The following TTC28 variants were observed in gnomAD, a reference collection of about 807,000 sequenced individuals.
TTC28 encodes tetratricopeptide repeat protein 28.
TTC28 carries 61 observed loss-of-function variants against 198.0 expected under a neutral mutation model. The observed-to-expected ratio is 0.31, with a 90% CI of 0.25 to 0.38. The LOEUF is 0.38. Among genes scored for constraint, TTC28 ranks in the 10% least tolerant of loss-of-function variants. The pLI, the probability that TTC28 is intolerant of heterozygous loss-of-function variation, is 1.00. For missense variants in TTC28, 2,678 were observed against 3,164.0 expected (o/e 0.85, Z 3.69); for synonymous variants, 1,171 against 1,297.8 (o/e 0.90, Z 2.10).
At chr22:28,020,548 C>G (rs1938549990) in intron 13 of TTC28, among the ~76,000 whole-genome samples, 2 of 152,114 alleles carry the variant, frequency 1.3e-5, no homozygotes, top group Admixed American at 6.5e-5. Flanking sequence ...CGTGAATCTT[C>G]CCTCGCTGCT....
rs71316854 is a variant in TTC28 at position 28,675,735 on chromosome 22, TCACA to T, written c.102+3883_102+3886del. Among the ~76,000 whole-genome samples the T allele has an allele frequency of 2.7e-3, 359 of 135,174 alleles. 2 individuals carry two copies. The highest frequency in any genetic ancestry group is 0.013 in the East Asian group (59 of 4,454). 88.7% of individuals were successfully genotyped at this position (135,174 alleles called of 152,430 possible). ...GCCTGGGCGACAGAGTGAAACCCTG[TCACA>T]CACACACACACACACACACACACAC... On this transcript the variant is annotated intron_variant, in intron 1 of 22. Coordinates refer to ENST00000397906, the MANE Select transcript of TTC28 (RefSeq NM_001145418.2).
intron 2 of TTC28, among the ~76,000 whole-genome samples, chr22:28,324,664 GA>G (rs369527281): frequency 0.049 from 7,413 of 152,206 alleles, 253 homozygotes; most frequent in African/African-American, 0.09. Flanking sequence ...AGTAGATGCA[GA>G]AAAGGCCTTC....
intron 11 of TTC28, 72 bp downstream of exon 11, chr22:28,096,118 T>C (rs541906095): frequency 2.1e-4 from 298 of 1,451,974 alleles, no homozygotes; most frequent in Non-Finnish European, 2.7e-4. Context: ...ATGCACCTAT[T>C]CCACCTCTAT....
intron 5 of TTC28, among the ~76,000 whole-genome samples, chr22:28,198,967 G>C (rs1204840397): frequency 1.3e-5 from 2 of 152,074 alleles, no homozygotes; most frequent in Non-Finnish European, 2.9e-5. Flanking sequence ...CAGAAAAAAA[G>C]AGAAAACAGG....
At chr22:28,138,556 T>C (rs1943254543) in intron 6 of TTC28, among the ~76,000 whole-genome samples, 1 of 152,206 alleles carries the variant, frequency 6.6e-6, no homozygotes, top group South Asian at 2.1e-4. Context: ...TCTGCATGGA[T>C]GATCAGAACA....
chr22:28,445,567 C>G (rs1186553994), intron 2 of TTC28, among the ~76,000 whole-genome samples: 1 of 152,152 alleles, frequency 6.6e-6, no homozygotes, highest in African/African-American at 2.4e-5. Flanking sequence ...CCTTTCTGAG[C>G]TCACCTTTTA....
At chr22:28,604,560 A>G (rs954453689) in intron 2 of TTC28, among the ~76,000 whole-genome samples, 11 of 151,728 alleles carry the variant, frequency 7.2e-5, no homozygotes, top group African/African-American at 2.4e-4. Flanking sequence ...CCTGGCCAAC[A>G]TTCTGAAACC....
chr22:28,172,364 A>G (rs1254185776), intron 5 of TTC28, among the ~76,000 whole-genome samples: 1 of 152,220 alleles, frequency 6.6e-6, no homozygotes, highest in Non-Finnish European at 1.5e-5. Context: ...AATTCACTAG[A>G]TAATTCCAAA....
intron 2 of TTC28, among the ~76,000 whole-genome samples, chr22:28,575,100 C>T (rs1167084612): frequency 2.0e-5 from 3 of 152,002 alleles, no homozygotes; most frequent in Non-Finnish European, 2.9e-5. Context: ...AAATATTTGC[C>T]CACTCCAATG....
chr22:28,032,188 AAAATATATATATAT>A (rs1181760660), intron 12 of TTC28, among the ~76,000 whole-genome samples: 30 of 71,062 alleles, frequency 4.2e-4, no homozygotes, highest in Admixed American at 3.2e-3. Context: ...ATATATATAT[AAAATATATATATAT>A]AAAATATATA....
chr22:27,993,450 C>T lies in TTC28; in HGVS notation c.5313G>A (p.Val1771=). 1 of 1,551,680 alleles carries T rather than the reference C, an allele frequency of 6.4e-7. No homozygotes were observed. Among genetic ancestry groups the T allele is most frequent in the Middle Eastern group, 1.7e-4 (1 of 5,992 alleles). The part of the protein sequence containing the change: ...RNAMYTSQQS[V]ENKVGGIPGW... ...CAGGGATGCCGCCCACTTTGTTCTC[C>T]ACACTCTGCTGGGATGTGTACATGG... The change falls in exon 18 of 23, where the codon GTG becomes GTA. Residue 1771 remains valine (V), a synonymous_variant. Coordinates refer to ENST00000397906, the MANE Select transcript of TTC28 (RefSeq NM_001145418.2).
At chr22:28,185,727 T>G (rs114727865) in intron 5 of TTC28, among the ~76,000 whole-genome samples, 2,369 of 152,200 alleles carry the variant, frequency 0.016, 82 homozygotes, top group African/African-American at 0.055. Context: ...TATCTGAGAG[T>G]CAATGAATTA....
At chr22:28,586,172 G>A (rs1258468347) in intron 2 of TTC28, among the ~76,000 whole-genome samples, 7 of 151,530 alleles carry the variant, frequency 4.6e-5, no homozygotes, top group East Asian at 3.9e-4. Flanking sequence ...CCAGCTACTC[G>A]GGAGGCTGAG....
At chr22:28,509,750 GT>G (rs902377513) in intron 2 of TTC28, among the ~76,000 whole-genome samples, 2 of 150,640 alleles carry the variant, frequency 1.3e-5, no homozygotes, top group Admixed American at 6.6e-5. Context: ...TTCACAAGCT[GT>G]TTTTTTTTAA....
At chr22:28,582,565 A>C (rs1459437278) in intron 2 of TTC28, among the ~76,000 whole-genome samples, 1 of 152,190 alleles carries the variant, frequency 6.6e-6, no homozygotes, top group African/African-American at 2.4e-5. Flanking sequence ...GAAATGATAT[A>C]TGCTAAATTT....
intron 2 of TTC28, among the ~76,000 whole-genome samples, chr22:28,418,894 C>T (rs2047205124): frequency 6.6e-6 from 1 of 151,998 alleles, no homozygotes. Context: ...TTTGTGTAAA[C>T]AATGAAAACT....
At chr22:28,067,241 T>G (rs1345227639) in intron 12 of TTC28, among the ~76,000 whole-genome samples, 1 of 152,190 alleles carries the variant, frequency 6.6e-6, no homozygotes, top group Non-Finnish European at 1.5e-5. Context: ...TTGGGCATAT[T>G]TGTTTATTCT....
intron 5 of TTC28, among the ~76,000 whole-genome samples, chr22:28,172,440 G>A (rs1922771362): frequency 1.3e-5 from 2 of 152,188 alleles, no homozygotes; most frequent in African/African-American, 4.8e-5. Context: ...AAGTCTCAGG[G>A]CAGGCACAAC....
At chr22:28,431,346 A>G (rs1175619121) in intron 2 of TTC28, among the ~76,000 whole-genome samples, 1 of 152,236 alleles carries the variant, frequency 6.6e-6, no homozygotes, top group Non-Finnish European at 1.5e-5. Flanking sequence ...TAAAATAGCT[A>G]CACAGTCTAT....
Sources: allele counts gnomAD v4.1 joint callset (sites outside exome capture counted in the v4.1 genomes callset), GRCh38; gene constraint gnomAD v4.1.1; transcripts MANE v1.5; gene names NCBI Gene and HGNC (gene_info 2026-07-23, HGNC 2026-07-21).